Variants in CHD1 observed in about 807,000 individuals in gnomAD.
The protein encoded by CHD1 is chromodomain helicase DNA binding protein 1.
Under a neutral mutation model 224.2 loss-of-function variants are expected in CHD1, and 36 were observed. That is an observed-to-expected ratio of 0.16 (90% confidence interval 0.12 to 0.21). The LOEUF is 0.21. Ranked by LOEUF, CHD1 falls within the 10% of genes least tolerant of loss-of-function variation. The pLI is 1.00. For missense variants in CHD1, 1,378 were observed against 1,994.8 expected, an observed-to-expected ratio of 0.69 and a Z score of 5.89; for synonymous variants, 668 against 658.3, an observed-to-expected ratio of 1.01 and a Z score of -0.23.
At chr5:98,879,159 G>A (rs987819649) in intron 23 of CHD1, among the ~76,000 whole-genome samples, 34 of 152,254 alleles carry the variant, frequency 2.2e-4, no homozygotes, top group African/African-American at 6.0e-4. Flanking sequence ...ATCTGAGGCC[G>A]GGAGGTTAAG....
chr5:98,898,703 C>G lies in CHD1; in HGVS notation c.1147G>C (p.Asp383His), dbSNP rs750919470. 2 of 1,595,608 alleles carry G rather than the reference C, an allele frequency of 1.3e-6. No individual in the cohort carries two copies. Among genetic ancestry groups the G allele is most frequent in the African/African-American group, 1.3e-5 (1 of 74,596 alleles). The change falls in exon 9 of 36, where the codon GAT (aspartate) becomes CAT (histidine). Residue 383 changes from aspartate (D) to histidine (H), a missense_variant. Asp to His is a moderately conservative substitution (Grantham distance 81). Around this residue, in one of 16 missense-constraint regions of CHD1, gnomAD observed 13 missense variants for 23.3 expected, o/e 0.56. Transcript: ENST00000614616. Reference sequence around the variant, plus strand: ...ACTATTTGATACTGTTTATGTAGATCATCTGTAAGTTCTTGCTGGCAATTA... The same window carrying G: ...ACTATTTGATACTGTTTATGTAGATGATCTGTAAGTTCTTGCTGGCAATTA... ...YYNCQQELTD[D>H]LHKQYQIVER...
chr5:98,861,668 CT>C (rs758149488), intron 32 of CHD1, among the ~76,000 whole-genome samples: 387 of 139,888 alleles, frequency 2.8e-3, no homozygotes, highest in East Asian at 3.5e-3. Context: ...TGCCCGACTA[CT>C]TTTTTTTTTT....
intron 17 of CHD1, among the ~76,000 whole-genome samples, chr5:98,886,743 T>C (rs1369556234): frequency 6.6e-6 from 1 of 151,532 alleles, no homozygotes; most frequent in Admixed American, 6.6e-5. Context: ...TTTAAAAAAT[T>C]AAAATAATTT....
intron 2 of CHD1, among the ~76,000 whole-genome samples, chr5:98,921,012 G>A (rs1753059719): frequency 6.6e-6 from 1 of 151,942 alleles, no homozygotes; most frequent in Admixed American, 6.6e-5. Flanking sequence ...AAAAATCAAT[G>A]AAATCCAAGT....
In CHD1 at chr5:98,854,164, G is replaced by A. The variant is rs567843864; in HGVS notation, c.*2216C>T. 10 of 130,754 alleles carry A rather than the reference G, an allele frequency of 7.6e-5. No individual in the cohort carries two copies. The highest frequency in any genetic ancestry group is 4.0e-3 in the Middle Eastern group (1 of 252). The allele number at this position is 130,754 out of a possible 1,614,324, so 8.1% of individuals were successfully genotyped here. On this transcript the variant is annotated 3_prime_UTR_variant, in exon 36 of 36. Transcript: ENST00000614616. ...ATGTACTAATGTTCTTCACCATTGC[G>A]TCTTAATTTTTCTGATTTCTTACAA...
intron 15 of CHD1, among the ~76,000 whole-genome samples, chr5:98,889,452 A>T (rs574159417): frequency 6.6e-6 from 1 of 152,336 alleles, no homozygotes; most frequent in East Asian, 1.9e-4. Flanking sequence ...TACACAGAAC[A>T]GGCTAATGTA....
chr5:98,906,009 A>G (rs2112555020), intron 2 of CHD1, among the ~76,000 whole-genome samples: 1 of 152,336 alleles, frequency 6.6e-6, no homozygotes, highest in Non-Finnish European at 1.5e-5. Flanking sequence ...CAGATATACA[A>G]GAAAATACAA....
At chr5:98,882,821 T>A (rs890603593) in intron 19 of CHD1, among the ~76,000 whole-genome samples, 19 of 152,212 alleles carry the variant, frequency 1.2e-4, no homozygotes, top group Non-Finnish European at 4.4e-5. Context: ...AAGTTTTTAT[T>A]ATAAAATGAA....
chr5:98,868,249 C>T (rs1749049919), intron 31 of CHD1, among the ~76,000 whole-genome samples: 1 of 151,222 alleles, frequency 6.6e-6, no homozygotes, highest in Non-Finnish European at 1.5e-5. Flanking sequence ...GGCACTTGAG[C>T]CCAGGAGGTT....
chr5:98,870,514 T>C (rs1214404747), intron 29 of CHD1, among the ~76,000 whole-genome samples, 173 bp downstream of exon 29: 3 of 152,092 alleles, frequency 2.0e-5, no homozygotes, highest in Non-Finnish European at 2.9e-5. Flanking sequence ...ACATGTATGC[T>C]GAGATAATTT....
Position 98,893,658 on chromosome 5 carries a change from A to G in CHD1, c.1801-52T>C, listed in dbSNP as rs750247977. 9 of 1,166,478 alleles carry G rather than the reference A, an allele frequency of 7.7e-6. No homozygotes were observed. In the South Asian group the frequency reaches 1.3e-4, roughly 17 times the overall value. The allele number at this position is 1,166,478 out of a possible 1,614,324, so 72.3% of individuals were successfully genotyped here. On this transcript the variant is annotated intron_variant, in intron 13 of 35. Coordinates refer to ENST00000614616, the MANE Select transcript of CHD1 (RefSeq NM_001270.4). ...TGAGAGAAAAACGGAATTCAAATTT[A>G]GCCTTCCCATTTAATCTGAACTCAA...
chr5:98,897,725 A>T (rs191710097), intron 10 of CHD1, among the ~76,000 whole-genome samples: 1 of 152,310 alleles, frequency 6.6e-6, no homozygotes, highest in East Asian at 1.9e-4. Flanking sequence ...TCTTGTAATA[A>T]GGAAAGAAAG....
At chr5:98,900,281 C>CAAAAAA (rs77593613) in intron 7 of CHD1, among the ~76,000 whole-genome samples, 2 of 92,580 alleles carry the variant, frequency 2.2e-5, no homozygotes, top group African/African-American at 3.5e-5. Context: ...GATTCTGTCA[C>CAAAAAA]AAAAAAAAAA....
intron 2 of CHD1, among the ~76,000 whole-genome samples, chr5:98,913,112 A>G (rs1248511312): frequency 2.0e-5 from 3 of 152,210 alleles, no homozygotes. Flanking sequence ...TAGTGTACTA[A>G]ATTCTCATCC....
intron 2 of CHD1, among the ~76,000 whole-genome samples, chr5:98,915,592 A>G (rs1346074678): frequency 1.3e-5 from 2 of 152,230 alleles, no homozygotes; most frequent in African/African-American, 2.4e-5. Context: ...AAAATTTATT[A>G]TAGTATCAAT....
Position 98,856,247 on chromosome 5 carries a change from C to T in CHD1, c.*133G>A. 3.1e-6 allele frequency: 2 copies of T among 645,986 alleles called. No individual in the cohort carries two copies. The highest frequency in any genetic ancestry group is 5.8e-5 in the Admixed American group (2 of 34,356). The allele number at this position is 645,986 out of a possible 1,614,324, so 40.0% of individuals were successfully genotyped here. A position where few individuals can be genotyped will look rare whatever the true frequency, so the allele number is the denominator to read the frequency against. ...CTGTTGGGATAATAGACCTTGCATC[C>T]TGGAAAGAAGTAACAATACTGCTAC... On this transcript the variant is annotated 3_prime_UTR_variant, in exon 36 of 36. Coordinates refer to ENST00000614616, the MANE Select transcript of CHD1 (RefSeq NM_001270.4).
intron 32 of CHD1, among the ~76,000 whole-genome samples, chr5:98,863,046 T>C (rs948373046): frequency 2.0e-5 from 3 of 152,066 alleles, no homozygotes; most frequent in African/African-American, 4.8e-5. Context: ...AGGAGGTAAA[T>C]TGCTAAATTC....
In CHD1 at chr5:98,886,896, A is replaced by G. The variant is rs116153870; in HGVS notation, c.2496+1192T>C. 9.2e-3 allele frequency among the ~76,000 whole-genome samples: 1,408 copies of G among 152,260 alleles called. 16 individuals are homozygous for G. The highest frequency in any genetic ancestry group is 0.026 in the South Asian group (124 of 4,824). On this transcript the variant is annotated intron_variant, in intron 17 of 35. Transcript: ENST00000614616. ...AATGAGAAGGAATTAGCAACAGAGA[A>G]GTGGCGCTTATTAACACTCAAAATT...
At chr5:98,912,529 G>A (rs1050932594) in intron 2 of CHD1, among the ~76,000 whole-genome samples, 3 of 152,054 alleles carry the variant, frequency 2.0e-5, no homozygotes, top group African/African-American at 7.2e-5. Flanking sequence ...AAATTAGCCA[G>A]GTGTGGTGGC....
Sources: gnomAD v4.1 joint callset for allele counts (sites outside exome capture counted in the v4.1 genomes callset) on GRCh38, gnomAD v4.1.1 for gene constraint, gnomAD v4.1.1 regional missense constraint, MANE v1.5 for transcripts, NCBI Gene and HGNC (gene_info 2026-07-23, HGNC 2026-07-21) for gene names.